HMBOX1: variants seen among roughly 807,000 people sequenced by gnomAD.
HMBOX1 encodes homeobox-containing protein 1.
Under a neutral mutation model 54.5 loss-of-function variants are expected in HMBOX1, and 14 were observed. The observed-to-expected ratio is 0.26, with a 90% CI of 0.17 to 0.40. HMBOX1 has a LOEUF of 0.40. Among genes scored for constraint, HMBOX1 ranks in the 10% least tolerant of loss-of-function variants. The probability of loss-of-function intolerance (pLI) is 1.00; values close to 1 mark genes in which losing one functional copy is unlikely to be tolerated. For synonymous variants in HMBOX1, 160 were observed against 181.0 expected (o/e 0.88, Z 0.93); for missense variants, 332 against 514.4 (o/e 0.65, Z 3.43).
intron 4 of HMBOX1, among the ~76,000 whole-genome samples, chr8:28,988,950 G>C (rs752189442): frequency 5.3e-5 from 8 of 151,208 alleles, no homozygotes; most frequent in Non-Finnish European, 1.0e-4. Context: ...TTTCTTTTGT[G>C]GTTCTTGCTT....
chr8:28,970,003 C>G lies in HMBOX1; in HGVS notation c.24-40C>G. 2 of 1,230,202 alleles carry G rather than the reference C, an allele frequency of 1.6e-6. No homozygotes were observed. 76.2% of individuals were successfully genotyped at this position (1,230,202 alleles called of 1,614,324 possible). A position where few individuals can be genotyped will look rare whatever the true frequency, so the allele number is the denominator to read the frequency against. ...TGTATAATATGTGCTTTGGTAGATA[C>G]TGTCAATAAAGAGACTTCTTTTTAT... On this transcript the variant is annotated intron_variant, in intron 2 of 9. Coordinates refer to ENST00000287701, the MANE Select transcript of HMBOX1 (RefSeq NM_001135726.3). This position sits in a 1 kb window ranked among gnomAD's most constrained non-coding sequence, Gnocchi z 4.3.
chr8:28,895,603 A>G (rs1050905237), intron 1 of HMBOX1, among the ~76,000 whole-genome samples: 8 of 151,584 alleles, frequency 5.3e-5, no homozygotes, highest in African/African-American at 1.5e-4. Flanking sequence ...TGAACCTGGG[A>G]GGTGGAGGTT....
At chr8:28,906,248 C>A (rs1563361265) in intron 1 of HMBOX1, among the ~76,000 whole-genome samples, 1 of 152,094 alleles carries the variant, frequency 6.6e-6, no homozygotes, top group Non-Finnish European at 1.5e-5. Flanking sequence ...AAATGTTAGC[C>A]CTTCTTTCCT....
intron 1 of HMBOX1, among the ~76,000 whole-genome samples, chr8:28,916,122 G>T (rs1816488435): frequency 6.6e-6 from 1 of 152,110 alleles, no homozygotes; most frequent in Non-Finnish European, 1.5e-5. Context: ...TCTCAAGTTG[G>T]CCACTGCAGT....
At chr8:28,891,465 C>G (rs1403307220) in intron 1 of HMBOX1, 1 of 152,226 alleles carries the variant, frequency 6.6e-6, no homozygotes, top group Non-Finnish European at 1.5e-5. Flanking sequence ...GCGTCCTCCA[C>G]CCACCTTCAC....
intron 1 of HMBOX1, among the ~76,000 whole-genome samples, chr8:28,922,574 T>C (rs888607323): frequency 2.6e-5 from 4 of 152,218 alleles, no homozygotes; most frequent in African/African-American, 9.6e-5. Context: ...TGGGTACCGT[T>C]GAAATCTAAA....
At chr8:28,965,579 T>C (rs533601926) in intron 2 of HMBOX1, among the ~76,000 whole-genome samples, 1 of 152,306 alleles carries the variant, frequency 6.6e-6, no homozygotes, top group Admixed American at 6.5e-5. Context: ...TACCTTTACA[T>C]GAGCAGTTCT....
At chr8:28,971,990 C>T (rs949648360) in intron 3 of HMBOX1, among the ~76,000 whole-genome samples, 4 of 152,148 alleles carry the variant, frequency 2.6e-5, no homozygotes, top group Non-Finnish European at 5.9e-5. Flanking sequence ...ATAATAGTGA[C>T]ACATAATAAT....
intron 8 of HMBOX1, 26 bp downstream of exon 8, chr8:29,047,479 C>G (rs1450068486): frequency 8.3e-7 from 1 of 1,201,278 alleles, no homozygotes; most frequent in East Asian, 2.3e-5. Flanking sequence ...GGCTGCTTTT[C>G]TCTTGTGCAG....
chr8:28,951,065 GT>G (rs1165814150), intron 1 of HMBOX1, among the ~76,000 whole-genome samples: 2 of 152,166 alleles, frequency 1.3e-5, no homozygotes, highest in East Asian at 3.8e-4. Context: ...AGAATGTGAT[GT>G]TTTAACCTCT....
intron 1 of HMBOX1, among the ~76,000 whole-genome samples, chr8:28,920,375 T>C (rs1370372049): frequency 1.3e-5 from 2 of 152,134 alleles, no homozygotes; most frequent in Admixed American, 1.3e-4. Context: ...TATTTGCTTA[T>C]AAATTAAAAC....
chr8:28,913,302 C>T (rs996599482), intron 1 of HMBOX1, among the ~76,000 whole-genome samples: 1 of 152,178 alleles, frequency 6.6e-6, no homozygotes, highest in African/African-American at 2.4e-5. Context: ...TTATCTCTAA[C>T]ATTATTACTA....
chr8:28,975,937 TAAA>T (rs1563506595), intron 3 of HMBOX1, among the ~76,000 whole-genome samples: 1 of 152,140 alleles, frequency 6.6e-6, no homozygotes, highest in African/African-American at 2.4e-5. Context: ...AGCAGGTCCT[TAAA>T]GAAGGCTGAA....
At chr8:28,896,389 G>GCCTAGGAGCAATAGGCTAT (rs1340199113) in intron 1 of HMBOX1, among the ~76,000 whole-genome samples, 5 of 131,454 alleles carry the variant, frequency 3.8e-5, no homozygotes, top group South Asian at 4.5e-4. Flanking sequence ...CAGGTGTGTA[G>GCCTAGGAGCAATAGGCTAT]ATTGCATAAT....
intron 2 of HMBOX1, among the ~76,000 whole-genome samples, chr8:28,967,164 A>T (rs1826570080): frequency 6.6e-6 from 1 of 152,226 alleles, no homozygotes; most frequent in South Asian, 2.1e-4. Flanking sequence ...CTAGAAAATT[A>T]TGGGGAGAGC....
At chr8:28,990,915 A>C (rs1014715869) in intron 4 of HMBOX1, among the ~76,000 whole-genome samples, 1 of 152,050 alleles carries the variant, frequency 6.6e-6, no homozygotes, top group African/African-American at 2.4e-5. Context: ...CGGCCTCCCA[A>C]AGTGCTGGGA....
chr8:28,892,546 T>C (rs1178687010), intron 1 of HMBOX1, among the ~76,000 whole-genome samples: 1 of 152,194 alleles, frequency 6.6e-6, no homozygotes, highest in Non-Finnish European at 1.5e-5. Flanking sequence ...AACTTATCAA[T>C]TCTTGAATCT....
chr8:29,007,157 C>T (rs1386076571), intron 4 of HMBOX1, among the ~76,000 whole-genome samples: 2 of 151,976 alleles, frequency 1.3e-5, no homozygotes, highest in South Asian at 2.1e-4. Flanking sequence ...GGCATGGTGG[C>T]GCATGCCTGA....
At chr8:28,907,419 C>A (rs1317096940) in intron 1 of HMBOX1, among the ~76,000 whole-genome samples, 2 of 152,194 alleles carry the variant, frequency 1.3e-5, no homozygotes, top group African/African-American at 4.8e-5. Context: ...TCATTGTGCT[C>A]AAATACTGCT....
Sources: allele counts gnomAD v4.1 joint callset (sites outside exome capture counted in the v4.1 genomes callset), GRCh38; gene constraint gnomAD v4.1.1; non-coding constraint Gnocchi (gnomAD v3.1); transcripts MANE v1.5; gene names NCBI Gene and HGNC (gene_info 2026-07-23, HGNC 2026-07-21).